The following ENDOD1 variants were observed in gnomAD, a reference collection of about 807,000 sequenced individuals.
ENDOD1 encodes the protein endonuclease domain containing 1, also known as endonuclease domain-containing 1 protein.
ENDOD1 carries 9 observed loss-of-function variants against 6.5 expected under a neutral mutation model. That is an observed-to-expected ratio of 1.39 (90% CI 0.84 to 2.43). The LOEUF (loss-of-function observed/expected upper bound fraction) is 2.43. Among genes scored for constraint, ENDOD1 ranks in the 30% most tolerant of loss-of-function variants. ENDOD1 has a pLI of 0.00. For synonymous variants in ENDOD1, 255 were observed against 255.2 expected, an observed-to-expected ratio of 1.00 and a Z score of 0.01; for missense variants, 648 against 635.5, an observed-to-expected ratio of 1.02 and a Z score of -0.21.
intron 1 of ENDOD1, among the ~76,000 whole-genome samples, chr11:95,091,369 TCAAA>T (rs1313240733): frequency 1.3e-5 from 2 of 152,252 alleles, no homozygotes; most frequent in Non-Finnish European, 2.9e-5. Flanking sequence ...TGGCCAGGTC[TCAAA>T]CAATCTGCAC....
At chr11:95,096,703 C>T (rs1858988487) in intron 1 of ENDOD1, among the ~76,000 whole-genome samples, 1 of 152,056 alleles carries the variant, frequency 6.6e-6, no homozygotes, top group African/African-American at 2.4e-5. Flanking sequence ...TTAAGAAAGC[C>T]CTGAGCCCTC....
At chr11:95,102,160 C>T (rs1323437041) in intron 1 of ENDOD1, among the ~76,000 whole-genome samples, 1 of 152,138 alleles carries the variant, frequency 6.6e-6, no homozygotes, top group Non-Finnish European at 1.5e-5. Flanking sequence ...GCTGACAGAT[C>T]TCCACATTTC....
intron 1 of ENDOD1, among the ~76,000 whole-genome samples, chr11:95,108,657 G>A (rs1859117770): frequency 1.3e-5 from 2 of 152,048 alleles, no homozygotes; most frequent in African/African-American, 4.8e-5. Flanking sequence ...AAATGGGTGG[G>A]TTGGCACTTT....
intron 1 of ENDOD1, among the ~76,000 whole-genome samples, chr11:95,097,154 C>CAAAA (rs34990638): frequency 7.9e-5 from 11 of 140,124 alleles, no homozygotes; most frequent in Admixed American, 2.1e-4. Flanking sequence ...GACCCTGTTT[C>CAAAA]AAAAAAAAAA....
chr11:95,123,852 T>C (rs1327638467), intron 1 of ENDOD1, among the ~76,000 whole-genome samples: 1 of 152,148 alleles, frequency 6.6e-6, no homozygotes, highest in Non-Finnish European at 1.5e-5. Flanking sequence ...AACCCTGAAC[T>C]GAGAAAATAA....
At chr11:95,119,305 T>C (rs1181847945) in intron 1 of ENDOD1, among the ~76,000 whole-genome samples, 1 of 152,240 alleles carries the variant, frequency 6.6e-6, no homozygotes, top group Non-Finnish European at 1.5e-5. Context: ...CTACCCATCC[T>C]TCTTGGAAGG....
chr11:95,128,250 C>A, intron 1 of ENDOD1, 127 bp from the exon 2 acceptor site: 1 of 1,123,142 alleles, frequency 8.9e-7, no homozygotes, highest in Non-Finnish European at 1.3e-6. Context: ...GAACCAAGTC[C>A]TTCCAAACTC....
At chr11:95,105,173 T>G (rs1404656464) in intron 1 of ENDOD1, among the ~76,000 whole-genome samples, 4 of 152,198 alleles carry the variant, frequency 2.6e-5, no homozygotes, top group African/African-American at 9.7e-5. Context: ...ACTCTCAAAA[T>G]AGTCTAACCA....
At chr11:95,090,645 C>G (rs781949189) in intron 1 of ENDOD1, among the ~76,000 whole-genome samples, 2 of 152,146 alleles carry the variant, frequency 1.3e-5, no homozygotes, top group Non-Finnish European at 2.9e-5. Flanking sequence ...CCATAGCACT[C>G]ATTTGGAGGT....
rs1555110083 is a variant in ENDOD1, at chr11:95,094,063, G to C, written c.300+3836G>C. On this transcript the variant is annotated intron_variant, in intron 1 of 1. Coordinates refer to ENST00000278505, the MANE Select transcript of ENDOD1 (RefSeq NM_015036.3). ...TTTCTAAAGTGCATTGCTGATTTAT[G>C]CCAGAAGCCAACATATAAAGCTCTA... Among the ~76,000 whole-genome samples the C allele has an allele frequency of 4.0e-5, 6 of 151,480 alleles. No homozygotes were observed. The East Asian group carries it at 1.2e-3, about 29-fold the overall frequency.
chr11:95,111,890 A>G (rs782758638), intron 1 of ENDOD1, among the ~76,000 whole-genome samples: 22 of 152,126 alleles, frequency 1.4e-4, no homozygotes, highest in African/African-American at 3.1e-4. Flanking sequence ...TTTACCTTGC[A>G]TGGAAGACGA....
intron 1 of ENDOD1, among the ~76,000 whole-genome samples, chr11:95,116,054 G>T (rs1235121188): frequency 2.6e-5 from 4 of 152,136 alleles, no homozygotes; most frequent in Non-Finnish European, 2.9e-5. Context: ...AATAGTTTGA[G>T]TAGGATTGGT....
intron 1 of ENDOD1, among the ~76,000 whole-genome samples, chr11:95,109,199 G>A (rs1859123392): frequency 6.6e-6 from 1 of 152,200 alleles, no homozygotes; most frequent in South Asian, 2.1e-4. Context: ...GATCTTGTCG[G>A]AATCATCCCC....
At chr11:95,106,650 G>C (rs1859091712) in intron 1 of ENDOD1, among the ~76,000 whole-genome samples, 2 of 152,132 alleles carry the variant, frequency 1.3e-5, no homozygotes, top group Non-Finnish European at 2.9e-5. Flanking sequence ...TGATCTAATA[G>C]GTGGAGGATC....
At chr11:95,112,910 T>C (rs1859164498) in intron 1 of ENDOD1, among the ~76,000 whole-genome samples, 1 of 152,244 alleles carries the variant, frequency 6.6e-6, no homozygotes, top group Admixed American at 6.5e-5. Context: ...AGGCCCATTT[T>C]GAGGCATATG....
intron 1 of ENDOD1, among the ~76,000 whole-genome samples, chr11:95,118,456 C>G (rs578123808): frequency 6.6e-6 from 1 of 152,018 alleles, no homozygotes; most frequent in Non-Finnish European, 1.5e-5. Flanking sequence ...TAGTTTTTTT[C>G]GTTCAGCACT....
rs1859344574 is a variant in ENDOD1, at chr11:95,129,180, GA to G, written c.1105del (p.Ile369LeufsTer4). On this transcript the variant is annotated frameshift_variant, in exon 2 of 2. Transcript: ENST00000278505. LOFTEE classifies it low-confidence loss of function (END_TRUNC). ...TCCTGTGGTGTGTTACCAAGCAGGT[GA>G]TTAATGGCATAGAAAGTTGCCTTTA... is the stretch of plus-strand genomic sequence containing the variant. ...YFLWCVTKQV[I>X]NGIESCLYRL... 6.2e-7 allele frequency: 1 copy of G among 1,614,042 alleles called. No homozygotes were observed.
rs115855723 is a variant in ENDOD1, at chr11:95,115,710, T to C, written c.301-12667T>C. Among the ~76,000 whole-genome samples, 430 of 152,268 alleles carry C rather than the reference T, an allele frequency of 2.8e-3. 3 individuals are homozygous for C. The highest frequency in any genetic ancestry group is 9.7e-3 in the African/African-American group (403 of 41,570). ...TCTTTTATTGTGAAGAGATGTTGAA[T>C]TCTATCAAATGCTTTTTCATCATCA... On this transcript the variant is annotated intron_variant, in intron 1 of 1. Coordinates refer to ENST00000278505, the MANE Select transcript of ENDOD1 (RefSeq NM_015036.3).
chr11:95,129,199 TGCCTTTACC>T lies in ENDOD1; in HGVS notation c.1128_1136del (p.Tyr377_Leu379del). The T allele has an allele frequency of 1.9e-6, 3 of 1,614,186 alleles. No homozygotes were observed. Among genetic ancestry groups the T allele is most frequent in the Non-Finnish European group, 2.5e-6 (3 of 1,180,034 alleles). Reference sequence around the variant, plus strand: ...GCAGGTGATTAATGGCATAGAAAGTTGCCTTTACCGCCTGGGCTCAGCCACCATCTCATA... The same window carrying T: ...GCAGGTGATTAATGGCATAGAAAGTTGCCTGGGCTCAGCCACCATCTCATA... On this transcript the variant is annotated inframe_deletion, in exon 2 of 2. Transcript: ENST00000278505.
Sources: allele counts gnomAD v4.1 joint callset (sites outside exome capture counted in the v4.1 genomes callset), GRCh38; gene constraint gnomAD v4.1.1; transcripts MANE v1.5; gene names NCBI Gene and HGNC (gene_info 2026-07-23, HGNC 2026-07-21).